The following ADGRL3 variants were observed in gnomAD, a reference collection of about 807,000 sequenced individuals.
The protein encoded by ADGRL3 is adhesion G protein-coupled receptor L3.
ADGRL3 carries 62 observed loss-of-function variants against 153.5 expected under a neutral mutation model. That is an observed-to-expected ratio of 0.40 (90% CI 0.33 to 0.50). The LOEUF (loss-of-function observed/expected upper bound fraction) is 0.50, where lower values mean the gene tolerates loss of function less well. ADGRL3 is among the 20% of genes least tolerant of loss of function. The probability of loss-of-function intolerance (pLI) is 0.47; values close to 1 mark genes in which losing one functional copy is unlikely to be tolerated. For synonymous variants in ADGRL3, 710 were observed against 672.5 expected, an observed-to-expected ratio of 1.06 and a Z score of -0.86; for missense variants, 1,641 against 1,859.4, an observed-to-expected ratio of 0.88 and a Z score of 2.16.
intron 3 of ADGRL3, among the ~76,000 whole-genome samples, chr4:61,513,452 C>T (rs1004686019): frequency 2.6e-5 from 4 of 152,062 alleles, no homozygotes; most frequent in African/African-American, 9.6e-5. Context: ...TCTTATCTGC[C>T]CACAACCAAC....
chr4:61,564,278 G>T (rs1385368599), intron 4 of ADGRL3, among the ~76,000 whole-genome samples: 1 of 151,806 alleles, frequency 6.6e-6, no homozygotes, highest in East Asian at 1.9e-4. Flanking sequence ...TTGGTTGGTT[G>T]GTTTGTTTGT....
At chr4:61,242,054 A>T (rs779529662) in intron 1 of ADGRL3, among the ~76,000 whole-genome samples, 20 of 152,042 alleles carry the variant, frequency 1.3e-4, no homozygotes, top group Non-Finnish European at 2.8e-4. Flanking sequence ...ACTCTGCTCC[A>T]GCACTCTGTA....
chr4:61,682,873 G>A (rs2095366921), intron 6 of ADGRL3, among the ~76,000 whole-genome samples: 1 of 151,926 alleles, frequency 6.6e-6, no homozygotes, highest in African/African-American at 2.4e-5. Context: ...TGCATACCAG[G>A]CACTATAATA....
chr4:61,596,533 A>G (rs1392958307), intron 5 of ADGRL3, among the ~76,000 whole-genome samples: 1 of 152,136 alleles, frequency 6.6e-6, no homozygotes, highest in Non-Finnish European at 1.5e-5. Flanking sequence ...TACACTGAAA[A>G]CATATTATGA....
In ADGRL3 at chr4:61,694,176, A is replaced by ATTTTTTTTTTTTTTTT. The variant is rs2095592928; in HGVS notation, c.583+17243_583+17244insTTTTTTTTTTTTTTTT. Among the ~76,000 whole-genome samples, 4 of 94,702 alleles carry ATTTTTTTTTTTTTTTT rather than the reference A, an allele frequency of 4.2e-5. 1 individual carries two copies. Among genetic ancestry groups the ATTTTTTTTTTTTTTTT allele is most frequent in the Non-Finnish European group, 4.6e-5 (2 of 43,054 alleles). The allele number at this position is 94,702 out of a possible 152,430, so 62.1% of individuals were successfully genotyped here. On this transcript the variant is annotated intron_variant, in intron 6 of 26. Coordinates refer to ENST00000683033, the MANE Select transcript of ADGRL3 (RefSeq NM_001387552.1). ...TCCTATACTATTTTAAAATTTTGTC[A>ATTTTTTTTTTTTTTTT]TTATTTTTTTTTTTTTTTTTTTTTT...
rs1445850290 is a variant in ADGRL3 at position 61,226,751 on chromosome 4, AG to A, written c.-240+24987del. ...TAGCTCAGGTGGGAATGTGGCATGA[AG>A]TTATAATTTCACTCTATTCGGGATA... On this transcript the variant is annotated intron_variant, in intron 1 of 26. Transcript: ENST00000683033. Among the ~76,000 whole-genome samples, 5 of 152,094 alleles carry A rather than the reference AG, an allele frequency of 3.3e-5. No individual in the cohort carries two copies. In the East Asian group the frequency reaches 9.7e-4, roughly 29 times the overall value.
rs1327961988 is a variant in ADGRL3 at position 61,733,519 on chromosome 4, A to G, written c.1364A>G (p.Tyr455Cys). The G allele has an allele frequency of 6.2e-7, 1 of 1,613,434 alleles. No homozygotes were observed. The highest frequency in any genetic ancestry group is 8.5e-7 in the Non-Finnish European group (1 of 1,179,656). Residue 455 changes from tyrosine to cysteine, a missense_variant, in exon 8 of 27, where the codon TAT becomes TGT. By Grantham distance (194) the Tyr-to-Cys change is radical. Transcript: ENST00000683033. ...TGGAATAACTATCACGTCGTGAAAT[A>G]TTCTTTGGATTTTGGACCTCTGGAT... is the stretch of plus-strand genomic sequence containing the variant. ...YVWNNYHVVK[Y>C]SLDFGPLDSR...
chr4:61,812,450 C>T (rs2097640448), intron 8 of ADGRL3, among the ~76,000 whole-genome samples: 1 of 152,162 alleles, frequency 6.6e-6, no homozygotes, highest in African/African-American at 2.4e-5. Context: ...AAAGTTACTC[C>T]AACTGTTATC....
chr4:61,475,710 T>C lies in ADGRL3; in HGVS notation c.-173-21411T>C, dbSNP rs112950336. On this transcript the variant is annotated intron_variant, in intron 2 of 26. Coordinates refer to ENST00000683033, the MANE Select transcript of ADGRL3 (RefSeq NM_001387552.1). Reference sequence around the variant, plus strand: ...GATTCCTTAGTAGCTTTGATAATGTTTCAAGGATTTAAATTTCAATTCAAA... The same window carrying C: ...GATTCCTTAGTAGCTTTGATAATGTCTCAAGGATTTAAATTTCAATTCAAA... 3.2e-3 allele frequency among the ~76,000 whole-genome samples: 480 copies of C among 152,300 alleles called. 4 individuals are homozygous for C. The highest frequency in any genetic ancestry group is 0.011 in the African/African-American group (455 of 41,562).
At chr4:61,881,894 C>T (rs1465253675) in intron 9 of ADGRL3, among the ~76,000 whole-genome samples, 1 of 152,058 alleles carries the variant, frequency 6.6e-6, no homozygotes, top group East Asian at 1.9e-4. Context: ...TTGAGGCTAG[C>T]CCTAAGAAAA....
intron 3 of ADGRL3, among the ~76,000 whole-genome samples, chr4:61,511,233 G>A (rs1244747068): frequency 6.6e-6 from 1 of 152,100 alleles, no homozygotes; most frequent in Non-Finnish European, 1.5e-5. Flanking sequence ...GGTGGCGGGT[G>A]CCACCTCATC....
chr4:61,402,978 G>A (rs924833705), intron 2 of ADGRL3, among the ~76,000 whole-genome samples: 10 of 151,908 alleles, frequency 6.6e-5, no homozygotes, highest in Non-Finnish European at 1.3e-4. Context: ...ATTTCAAGGT[G>A]CCAGTTTCCA....
In ADGRL3 at chr4:61,655,447, T is replaced by C. The variant is rs2094417265; in HGVS notation, c.474-21379T>C. ...TATTTATTATTTTCTTTAACAGTAA[T>C]GTTTTCTCATGCTTACCCATCAGTC... On this transcript the variant is annotated intron_variant, in intron 5 of 26. Transcript: ENST00000683033. Among the ~76,000 whole-genome samples the C allele has an allele frequency of 4.6e-5, 7 of 152,136 alleles. 1 individual carries two copies. Among genetic ancestry groups the C allele is most frequent in the Admixed American group, 4.6e-4 (7 of 15,266 alleles).
At chr4:61,642,844 T>G (rs200146565) in intron 5 of ADGRL3, among the ~76,000 whole-genome samples, 56,130 of 151,996 alleles carry the variant, frequency 0.37, 12,023 homozygotes, top group Non-Finnish European at 0.5. Context: ...GGTAGCTTGA[T>G]GGGGATGGCA....
At chr4:61,681,419 T>G (rs2150980521) in intron 6 of ADGRL3, among the ~76,000 whole-genome samples, 1 of 152,224 alleles carries the variant, frequency 6.6e-6, no homozygotes, top group South Asian at 2.1e-4. Flanking sequence ...AAGCATATAT[T>G]ACTTATTCTA....
chr4:61,906,527 C>A (rs1446522680), intron 11 of ADGRL3: 1 of 152,162 alleles, frequency 6.6e-6, no homozygotes, highest in East Asian at 1.9e-4. Context: ...TTGAACATTT[C>A]TCTTTGTATA....
rs543799655 is a variant in ADGRL3, at chr4:61,401,213, A to G, written c.-174+18024A>G. Among the ~76,000 whole-genome samples, 86 of 152,040 alleles carry G rather than the reference A, an allele frequency of 5.7e-4. 1 individual carries two copies. Among genetic ancestry groups the G allele is most frequent in the African/African-American group, 2.0e-3 (82 of 41,548 alleles). ...TTATTAAGTTAATTTGTATCACATA[A>G]AACAACGTAAGCAACAAATTATACT... is the stretch of plus-strand genomic sequence containing the variant. On this transcript the variant is annotated intron_variant, in intron 2 of 26. Coordinates refer to ENST00000683033, the MANE Select transcript of ADGRL3 (RefSeq NM_001387552.1).
At chr4:61,681,586 G>T (rs2095336499) in intron 6 of ADGRL3, among the ~76,000 whole-genome samples, 1 of 152,024 alleles carries the variant, frequency 6.6e-6, no homozygotes, top group Admixed American at 6.6e-5. Flanking sequence ...TTGTGTGCAT[G>T]ATTGTCCTTA....
At chr4:61,760,339 A>G (rs1580687690) in intron 8 of ADGRL3, among the ~76,000 whole-genome samples, 1 of 151,722 alleles carries the variant, frequency 6.6e-6, no homozygotes, top group Admixed American at 6.6e-5. Flanking sequence ...TTGTTTACCT[A>G]CTCAAGCCTC....
Sources: gnomAD v4.1 joint callset for allele counts (sites outside exome capture counted in the v4.1 genomes callset) on GRCh38, gnomAD v4.1.1 for gene constraint, MANE v1.5 for transcripts, NCBI Gene and HGNC (gene_info 2026-07-23, HGNC 2026-07-21) for gene names.